Variants in NUS1 observed in about 807,000 individuals in gnomAD.
NUS1 encodes NUS1 dehydrodolichyl diphosphate synthase subunit, also known as dehydrodolichyl diphosphate synthase complex subunit NUS1.
For synonymous variants in NUS1, 135 were observed against 155.2 expected (o/e 0.87, Z 0.97); for missense variants, 292 against 382.9 (o/e 0.76, Z 1.98).
chr6:117,705,856 G>C (rs1773492786), intron 4 of NUS1, among the ~76,000 whole-genome samples: 3 of 152,166 alleles, frequency 2.0e-5, no homozygotes, highest in South Asian at 4.1e-4. Context: ...GTGTGAATAA[G>C]ACTTAAGGTT....
rs1160823905 is a variant in NUS1, at chr6:117,708,137, T to G, written c.*1122T>G. 3.3e-5 allele frequency: 5 copies of G among 152,740 alleles called. No homozygotes were observed. In the East Asian group the frequency reaches 9.7e-4, roughly 30 times the overall value. 9.5% of individuals were successfully genotyped at this position (152,740 alleles called of 1,614,324 possible). The stretch of plus-strand genomic sequence containing the variant: ...CCTGATGGTTACTGTGTGTAAAATA[T>G]CTTTAAGTAGGATTGAAGGCCTCTG... On this transcript the variant is annotated 3_prime_UTR_variant, in exon 5 of 5. Transcript: ENST00000368494.
intron 1 of NUS1, among the ~76,000 whole-genome samples, chr6:117,686,845 A>AGTGTGTGT (rs1405737263): frequency 2.6e-5 from 3 of 114,360 alleles, no homozygotes; most frequent in African/African-American, 9.4e-5. Context: ...TATCATGTGA[A>AGTGTGTGT]GTGTGTATGT....
Position 117,675,591 on chromosome 6 carries a change from C to T in NUS1, c.-80C>T, listed in dbSNP as rs1160611657. On this transcript the variant is annotated 5_prime_UTR_variant, in exon 1 of 5. Coordinates refer to ENST00000368494, the MANE Select transcript of NUS1 (RefSeq NM_138459.5). ...GGGGACGCGGAGCGATGGCCCGCGC[C>T]GGCCGCAGGGGCGGATAAAAAGCCG... The T allele has an allele frequency of 1.8e-5, 26 of 1,413,340 alleles. No homozygotes were observed. The highest frequency in any genetic ancestry group is 2.5e-4 in the Middle Eastern group (1 of 4,062). The allele number at this position is 1,413,340 out of a possible 1,614,324, so 87.5% of individuals were successfully genotyped here. A position where few individuals can be genotyped will look rare whatever the true frequency, so the allele number is the denominator to read the frequency against.
At chr6:117,684,590 C>G (rs1331509671) in intron 1 of NUS1, among the ~76,000 whole-genome samples, 1 of 152,160 alleles carries the variant, frequency 6.6e-6, no homozygotes, top group Admixed American at 6.5e-5. Context: ...AACCCTCCAA[C>G]AGCTTCTCGT....
At chr6:117,679,464 T>C (rs1457828323) in intron 1 of NUS1, among the ~76,000 whole-genome samples, 1 of 152,236 alleles carries the variant, frequency 6.6e-6, no homozygotes, top group Admixed American at 6.5e-5. Context: ...CTATTCTGGT[T>C]ACCTACTGCT....
intron 4 of NUS1, among the ~76,000 whole-genome samples, chr6:117,704,485 T>C (rs983622065): frequency 1.3e-5 from 2 of 152,196 alleles, no homozygotes; most frequent in African/African-American, 4.8e-5. Flanking sequence ...TCTGCTGCTA[T>C]AGCTAAACAA....
intron 1 of NUS1, among the ~76,000 whole-genome samples, chr6:117,683,863 G>T (rs1186673047): frequency 1.3e-5 from 2 of 152,080 alleles, no homozygotes; most frequent in African/African-American, 2.4e-5. Context: ...TTTGCTGATG[G>T]AATACTTGTC....
chr6:117,695,582 A>G (rs991721214), intron 3 of NUS1, among the ~76,000 whole-genome samples: 3 of 152,208 alleles, frequency 2.0e-5, no homozygotes, highest in African/African-American at 7.2e-5. Context: ...AATGTTTATT[A>G]AGCCCAGTTG....
chr6:117,703,509 GATTA>G (rs1260356691), intron 3 of NUS1, 92 bp from the exon 4 acceptor site: 1 of 897,508 alleles, frequency 1.1e-6, no homozygotes, highest in Admixed American at 1.8e-5. Flanking sequence ...GAACCAATTT[GATTA>G]ATACATTTTG....
chr6:117,701,659 CTTAA>C (rs1235614758), intron 3 of NUS1, among the ~76,000 whole-genome samples: 1 of 152,014 alleles, frequency 6.6e-6, no homozygotes, highest in Non-Finnish European at 1.5e-5. Context: ...GAATTATGTT[CTTAA>C]TTTTCAGGTT....
rs1696124606 is a variant in NUS1 at position 117,675,540 on chromosome 6, G to A, written c.-131G>A. On this transcript the variant is annotated 5_prime_UTR_variant, in exon 1 of 5. Transcript: ENST00000368494. Reference sequence around the variant, plus strand: ...GGGGCGAGGTGAGGTGTTGGCAGTGGAAAGGGGTTCGGGCTCGGGGGGCGG... The same window carrying A: ...GGGGCGAGGTGAGGTGTTGGCAGTGAAAAGGGGTTCGGGCTCGGGGGGCGG... 7 of 921,412 alleles carry A rather than the reference G, an allele frequency of 7.6e-6. No individual in the cohort carries two copies. Among genetic ancestry groups the A allele is most frequent in the African/African-American group, 1.7e-5 (1 of 59,430 alleles). 57.1% of individuals were successfully genotyped at this position (921,412 alleles called of 1,614,324 possible).
At chr6:117,679,255 A>C (rs1051582194) in intron 1 of NUS1, among the ~76,000 whole-genome samples, 9 of 152,220 alleles carry the variant, frequency 5.9e-5, no homozygotes, top group African/African-American at 2.2e-4. Context: ...GGAAGGGAGC[A>C]ACACCTGAGC....
At chr6:117,691,990 A>G (rs1425529887) in intron 1 of NUS1, among the ~76,000 whole-genome samples, 2 of 152,042 alleles carry the variant, frequency 1.3e-5, no homozygotes, top group African/African-American at 4.8e-5. Context: ...AAATTTTTAA[A>G]CTAGTTCCAC....
intron 3 of NUS1, among the ~76,000 whole-genome samples, chr6:117,694,974 C>T (rs932562995): frequency 2.0e-5 from 3 of 151,988 alleles, no homozygotes; most frequent in Non-Finnish European, 4.4e-5. Context: ...GCAGGTGGAT[C>T]GCTTGAGCGC....
chr6:117,702,371 A>G (rs957762818), intron 3 of NUS1, among the ~76,000 whole-genome samples: 2 of 152,190 alleles, frequency 1.3e-5, no homozygotes, highest in Non-Finnish European at 2.9e-5. Context: ...CTATACTGGT[A>G]AAATGTAAGT....
intron 3 of NUS1, 150 bp from the exon 4 acceptor site, chr6:117,703,454 TG>T: frequency 3.2e-6 from 2 of 634,038 alleles, no homozygotes; most frequent in East Asian, 5.4e-5. Flanking sequence ...GGGTGGGGCA[TG>T]GAGACATACA....
At chr6:117,698,561 G>C (rs957082022) in intron 3 of NUS1, among the ~76,000 whole-genome samples, 3 of 152,054 alleles carry the variant, frequency 2.0e-5, no homozygotes, top group African/African-American at 7.2e-5. Context: ...CTCATGACTT[G>C]ATGGCTTCAT....
chr6:117,682,502 G>A (rs1425864089), intron 1 of NUS1, among the ~76,000 whole-genome samples: 1 of 152,212 alleles, frequency 6.6e-6, no homozygotes, highest in Non-Finnish European at 1.5e-5. Flanking sequence ...TCAGGAGGCT[G>A]AGGTGGGAGG....
chr6:117,678,677 GTTTTTTTTT>G (rs34349121), intron 1 of NUS1, among the ~76,000 whole-genome samples: 1 of 100,314 alleles, frequency 1.0e-5, no homozygotes, highest in South Asian at 3.2e-4. Context: ...TTTTTCAGTG[GTTTTTTTTT>G]TTTTTTTTTT....
Sources: allele counts gnomAD v4.1 joint callset (sites outside exome capture counted in the v4.1 genomes callset), GRCh38; gene constraint gnomAD v4.1.1; transcripts MANE v1.5; gene names NCBI Gene and HGNC (gene_info 2026-07-23, HGNC 2026-07-21).